The following RALA variants were observed in gnomAD, a reference collection of about 807,000 sequenced individuals.
RALA encodes RAS like proto-oncogene A.
In RALA, 5 loss-of-function variants were observed where a neutral mutation model predicts 24.0. The ratio of observed to expected loss-of-function variants is 0.21; its 90% CI spans 0.11 to 0.44. RALA has a LOEUF of 0.44. Among genes scored for constraint, RALA ranks in the 20% least tolerant of loss-of-function variants. The pLI, the probability that RALA is intolerant of heterozygous loss-of-function variation, is 0.99. For missense variants in RALA, 95 were observed against 241.2 expected (o/e 0.39, Z 4.01); for synonymous variants, 77 against 83.8 (o/e 0.92, Z 0.44).
chr7:39,681,587 C>T (rs1162530844), intron 1 of RALA, among the ~76,000 whole-genome samples: 7 of 152,108 alleles, frequency 4.6e-5, no homozygotes, highest in East Asian at 1.9e-4. Flanking sequence ...CTCAGTCGGT[C>T]GGCAGGATTT....
chr7:39,637,386 A>G (rs1208184899), intron 1 of RALA, among the ~76,000 whole-genome samples: 4 of 152,210 alleles, frequency 2.6e-5, no homozygotes, highest in Non-Finnish European at 4.4e-5. Context: ...CACATTTATT[A>G]ACCTTCATTC....
At chr7:39,693,478 T>C (rs1319249549) in intron 3 of RALA, among the ~76,000 whole-genome samples, 6 of 152,134 alleles carry the variant, frequency 3.9e-5, no homozygotes, top group Non-Finnish European at 8.8e-5. Context: ...AATGACGAGT[T>C]GATGGGTGCA....
At chr7:39,691,910 T>TA (rs1239298463) in intron 3 of RALA, among the ~76,000 whole-genome samples, 1 of 152,208 alleles carries the variant, frequency 6.6e-6, no homozygotes, top group Non-Finnish European at 1.5e-5. Context: ...AGTAATGGAA[T>TA]AAATGTTATC....
At chr7:39,627,713 G>A in intron 1 of RALA, among the ~76,000 whole-genome samples, 1 of 152,190 alleles carries the variant, frequency 6.6e-6, no homozygotes, top group East Asian at 1.9e-4. Flanking sequence ...TTGCCACACT[G>A]CGTGACCAAA....
At chr7:39,684,664 G>T (rs546271627) in intron 1 of RALA, among the ~76,000 whole-genome samples, 70 of 136,936 alleles carry the variant, frequency 5.1e-4, no homozygotes, top group Middle Eastern at 8.6e-3. Context: ...ATTGGAAGAA[G>T]AATTGTCTTG....
intron 1 of RALA, among the ~76,000 whole-genome samples, chr7:39,632,508 G>A (rs1227321837): frequency 6.6e-6 from 1 of 152,184 alleles, no homozygotes; most frequent in African/African-American, 2.4e-5. Flanking sequence ...GTCCTTCGCT[G>A]TGTCTTTAAG....
intron 1 of RALA, among the ~76,000 whole-genome samples, chr7:39,646,261 C>G (rs1391071250): frequency 6.6e-6 from 1 of 152,082 alleles, no homozygotes; most frequent in Non-Finnish European, 1.5e-5. Flanking sequence ...CCACTGCACT[C>G]CAGTCTGGAT....
At chr7:39,638,038 A>T (rs73381131) in intron 1 of RALA, among the ~76,000 whole-genome samples, 4,391 of 152,272 alleles carry the variant, frequency 0.029, 226 homozygotes, top group African/African-American at 0.099. Context: ...TCTAACCCAG[A>T]TTCAGGTTTC....
In RALA at chr7:39,696,770, G is replaced by A. The variant is rs1426487923; in HGVS notation, c.409G>A (p.Val137Ile). Residue 137 changes from valine (V) to isoleucine (I), a missense_variant, in exon 4 of 5, where the codon GTT (valine) becomes ATT (isoleucine). Physicochemically the swap from Val to Ile is conservative, Grantham distance 29. Coordinates refer to ENST00000005257, the MANE Select transcript of RALA (RefSeq NM_005402.4). Reference sequence around the variant, plus strand: ...ATCAGATTTAGAAGATAAAAGACAGGTTTCTGTAGAAGAGGCAAAAAACAG... The same window carrying A: ...ATCAGATTTAGAAGATAAAAGACAGATTTCTGTAGAAGAGGCAAAAAACAG... ...NKSDLEDKRQ[V>I]SVEEAKNRAE... is the part of the protein sequence containing the mutation. 5 of 1,613,326 alleles carry A rather than the reference G, an allele frequency of 3.1e-6. No individual in the cohort carries two copies. The highest frequency in any genetic ancestry group is 4.2e-6 in the Non-Finnish European group (5 of 1,179,354).
Position 39,623,828 on chromosome 7 carries a change from G to A in RALA, c.-38+3G>A, listed in dbSNP as rs1265676339. On this transcript the variant is annotated splice_donor_region_variant and intron_variant, in intron 1 of 4. Transcript: ENST00000005257. This position sits in a 1 kb window ranked among gnomAD's most constrained non-coding sequence, Gnocchi z 4.9. ...CGGCGGACTGGCTCGCGGTGCAGGT[G>A]AGCGATGCCCGCTCGGGCCGCCCGG... 6.6e-6 allele frequency: 1 copy of A among 152,034 alleles called. No homozygotes were observed. The highest frequency in any genetic ancestry group is 1.5e-5 in the Non-Finnish European group (1 of 68,040). The allele number at this position is 152,034 out of a possible 1,614,324, so 9.4% of individuals were successfully genotyped here.
chr7:39,661,338 C>T (rs1792186600), intron 1 of RALA, among the ~76,000 whole-genome samples: 1 of 152,202 alleles, frequency 6.6e-6, no homozygotes, highest in Admixed American at 6.5e-5. Context: ...CCCTCAAAGT[C>T]TTAACTCATT....
chr7:39,669,169 AAAGGCAAAATGATGT>A (rs2116018163), intron 1 of RALA, among the ~76,000 whole-genome samples: 1 of 152,306 alleles, frequency 6.6e-6, no homozygotes, highest in East Asian at 1.9e-4. Context: ...AAGGAATGCA[AAAGGCAAAATGATGT>A]ATAAGAATTT....
At chr7:39,643,689 C>G (rs1212798613) in intron 1 of RALA, among the ~76,000 whole-genome samples, 1 of 152,042 alleles carries the variant, frequency 6.6e-6, no homozygotes, top group Non-Finnish European at 1.5e-5. Context: ...AACCCCGTCT[C>G]TACTAAAAAT....
At chr7:39,633,816 G>A (rs1791640362) in intron 1 of RALA, among the ~76,000 whole-genome samples, 2 of 152,176 alleles carry the variant, frequency 1.3e-5, no homozygotes, top group Non-Finnish European at 2.9e-5. Flanking sequence ...GAAATCAGGT[G>A]TTGGCCCAGC....
intron 1 of RALA, among the ~76,000 whole-genome samples, chr7:39,644,616 T>C (rs1791893851): frequency 6.6e-6 from 1 of 152,232 alleles, no homozygotes; most frequent in Non-Finnish European, 1.5e-5. Context: ...ATCCTTCATC[T>C]CTTTTTCCTT....
chr7:39,703,351 T>G (rs1308415030), intron 4 of RALA: 1 of 152,208 alleles, frequency 6.6e-6, no homozygotes, highest in Admixed American at 6.5e-5. Context: ...CAAAAACCCA[T>G]GGCTTTTATG....
At chr7:39,696,476 A>T (rs1421378565) in intron 3 of RALA, among the ~76,000 whole-genome samples, 1 of 152,238 alleles carries the variant, frequency 6.6e-6, no homozygotes, top group Non-Finnish European at 1.5e-5. Context: ...ATCCTGGAAC[A>T]GAAAAAGGAT....
At chr7:39,666,005 GTGTC>G (rs1239568403) in intron 1 of RALA, among the ~76,000 whole-genome samples, 1 of 152,130 alleles carries the variant, frequency 6.6e-6, no homozygotes, top group Non-Finnish European at 1.5e-5. Context: ...AGTTGAAAAA[GTGTC>G]TGACACAGAA....
At chr7:39,634,935 T>C (rs1791661278) in intron 1 of RALA, among the ~76,000 whole-genome samples, 1 of 152,366 alleles carries the variant, frequency 6.6e-6, no homozygotes, top group Middle Eastern at 3.4e-3. Flanking sequence ...TTATATTTCT[T>C]AGCCTGTGAA....
Sources: gnomAD v4.1 joint callset for allele counts (sites outside exome capture counted in the v4.1 genomes callset) on GRCh38, gnomAD v4.1.1 for gene constraint, Gnocchi (gnomAD v3.1) non-coding constraint, MANE v1.5 for transcripts, NCBI Gene and HGNC (gene_info 2026-07-23, HGNC 2026-07-21) for gene names.